PRKN: variants seen among roughly 807,000 people sequenced by gnomAD.
PRKN encodes the protein parkin RBR E3 ubiquitin protein ligase.
Under a neutral mutation model 59.5 loss-of-function variants are expected in PRKN, and 56 were observed. The observed-to-expected ratio is 0.94, with a 90% CI of 0.76 to 1.18. The LOEUF (loss-of-function observed/expected upper bound fraction) is 1.18. PRKN is among the 50% of genes most tolerant of loss of function. The pLI is 0.00. For missense variants in PRKN, 657 were observed against 596.4 expected (o/e 1.10, Z -1.06); for synonymous variants, 250 against 222.1 (o/e 1.13, Z -1.12).
At chr6:162,315,048 AT>A (rs1419942583) in intron 2 of PRKN, among the ~76,000 whole-genome samples, 2 of 152,172 alleles carry the variant, frequency 1.3e-5, no homozygotes, top group Admixed American at 6.5e-5. Context: ...ATCCAATAAT[AT>A]TTTTTAAATG....
intron 1 of PRKN, among the ~76,000 whole-genome samples, chr6:162,563,770 A>G (rs377111465): frequency 1.2e-4 from 18 of 152,338 alleles, no homozygotes; most frequent in African/African-American, 3.8e-4. Flanking sequence ...AAAATTCATG[A>G]TAACACAGAG....
chr6:162,238,711 C>T (rs1229836601), intron 3 of PRKN, among the ~76,000 whole-genome samples: 2 of 152,116 alleles, frequency 1.3e-5, no homozygotes, highest in Non-Finnish European at 2.9e-5. Flanking sequence ...CTAGAATATT[C>T]TGTTGTTTTT....
rs1237398264 is a variant in PRKN at position 161,356,622 on chromosome 6, G to T, written c.1285+3466C>A. 6.6e-6 allele frequency among the ~76,000 whole-genome samples: 1 copy of T among 152,172 alleles called. No individual in the cohort carries two copies. Among genetic ancestry groups the T allele is most frequent in the Admixed American group, 6.5e-5 (1 of 15,274 alleles). ...GCTGGATCAGAGCACGGGGAAGGCC[G>T]TGGTGACCGGGGATTGAATGCAGGG... is the stretch of plus-strand genomic sequence containing the variant. On this transcript the variant is annotated intron_variant, in intron 11 of 11. Transcript: ENST00000366898. This position sits in a 1 kb window ranked among gnomAD's most constrained non-coding sequence, Gnocchi z 7.8.
At chr6:162,088,718 G>A (rs1779354974) in intron 4 of PRKN, among the ~76,000 whole-genome samples, 1 of 152,114 alleles carries the variant, frequency 6.6e-6, no homozygotes, top group African/African-American at 2.4e-5. Flanking sequence ...AAGACATTGC[G>A]TTACTAATTT....
At chr6:161,994,427 C>T (rs983408532) in intron 5 of PRKN, among the ~76,000 whole-genome samples, 2 of 152,100 alleles carry the variant, frequency 1.3e-5, no homozygotes. Context: ...GACTAGGATG[C>T]CCACTCTCAC....
At chr6:162,519,118 C>G (rs990349184) in intron 1 of PRKN, among the ~76,000 whole-genome samples, 1 of 152,022 alleles carries the variant, frequency 6.6e-6, no homozygotes, top group African/African-American at 2.4e-5. Flanking sequence ...TGCAGTGAAC[C>G]GAGATCGCAC....
intron 4 of PRKN, among the ~76,000 whole-genome samples, chr6:162,151,341 G>A (rs1356861497): frequency 1.3e-5 from 2 of 152,296 alleles, no homozygotes; most frequent in Non-Finnish European, 1.5e-5. Context: ...CACCTTCTTA[G>A]AAAATGAAAT....
intron 6 of PRKN, among the ~76,000 whole-genome samples, chr6:161,799,812 T>C (rs116205922): frequency 0.015 from 2,241 of 152,316 alleles, 39 homozygotes; most frequent in African/African-American, 0.051. Context: ...GACATTTGCA[T>C]TGCCATCTCA....
chr6:161,799,105 G>A (rs916167289), intron 6 of PRKN, among the ~76,000 whole-genome samples: 1 of 152,204 alleles, frequency 6.6e-6, no homozygotes, highest in Admixed American at 6.5e-5. Flanking sequence ...TGCCATAATA[G>A]CAGCATTCAC....
rs532682718 is a variant in PRKN, at chr6:161,390,678, G to T, written c.1084-3801C>A. Among the ~76,000 whole-genome samples the T allele has an allele frequency of 6.6e-6, 1 of 151,724 alleles. No homozygotes were observed. Among genetic ancestry groups the T allele is most frequent in the Non-Finnish European group, 1.5e-5 (1 of 68,014 alleles). On this transcript the variant is annotated intron_variant, in intron 9 of 11. Transcript: ENST00000366898. The surrounding 1 kb of genome is among the most constrained non-coding windows in gnomAD (Gnocchi z 7.0). Reference sequence around the variant, plus strand: ...TAATTTTTGTATTTTTAGTAAAGACGGGATTTCACCATGTTGGTCAGGCTG... The same window carrying T: ...TAATTTTTGTATTTTTAGTAAAGACTGGATTTCACCATGTTGGTCAGGCTG...
rs1415902228 is a variant in PRKN, at chr6:161,757,933, G to GTATATA, written c.871+27833_871+27838dup. On this transcript the variant is annotated intron_variant, in intron 7 of 11. Transcript: ENST00000366898. ...CACACACACACACATCTCTCTCTCTGTATATATATGTATATATATATACAG... is the reference window on the plus strand; with the variant it reads ...CACACACACACACATCTCTCTCTCTGTATATATATATATATGTATATATATATACAG... Among the ~76,000 whole-genome samples the GTATATA allele has an allele frequency of 5.9e-5, 6 of 101,440 alleles. No homozygotes were observed. In the South Asian group the frequency reaches 1.8e-3, roughly 31 times the overall value. The allele number at this position is 101,440 out of a possible 152,430, so 66.5% of individuals were successfully genotyped here.
intron 9 of PRKN, among the ~76,000 whole-genome samples, chr6:161,510,862 TC>T (rs1778359664): frequency 6.6e-6 from 1 of 152,176 alleles, no homozygotes; most frequent in African/African-American, 2.4e-5. Context: ...AAAATGGCCC[TC>T]CTTTCCCCTG....
intron 3 of PRKN, among the ~76,000 whole-genome samples, chr6:162,236,846 A>T (rs1284755883): frequency 6.6e-6 from 1 of 151,002 alleles, no homozygotes; most frequent in Non-Finnish European, 1.5e-5. Context: ...GAAAGAAAGG[A>T]GAGGAAGGAA....
At chr6:162,351,090 T>C (rs1485374046) in intron 2 of PRKN, among the ~76,000 whole-genome samples, 2 of 152,058 alleles carry the variant, frequency 1.3e-5, no homozygotes, top group East Asian at 3.9e-4. Flanking sequence ...TTCAGGAGGC[T>C]GAGATGGGAG....
chr6:162,649,577 T>A (rs1382145431), intron 1 of PRKN, among the ~76,000 whole-genome samples: 1 of 152,082 alleles, frequency 6.6e-6, no homozygotes, highest in Non-Finnish European at 1.5e-5. Flanking sequence ...TCAGAGAGAT[T>A]TGGGTTCCAA....
In PRKN at chr6:161,527,374, T is replaced by C. The variant is rs1195997353; in HGVS notation, c.1083+21480A>G. On this transcript the variant is annotated intron_variant, in intron 9 of 11. Coordinates refer to ENST00000366898, the MANE Select transcript of PRKN (RefSeq NM_004562.3). This position sits in a 1 kb window ranked among gnomAD's most constrained non-coding sequence, Gnocchi z 4.6. ...TTGGAGCCAGGGCTTTGGTGTACAT[T>C]TCTGTAATTTGTGCTTCACACAAAC... 6.6e-6 allele frequency among the ~76,000 whole-genome samples: 1 copy of C among 152,158 alleles called. No individual in the cohort carries two copies. Among genetic ancestry groups the C allele is most frequent in the Non-Finnish European group, 1.5e-5 (1 of 68,020 alleles).
chr6:161,887,130 G>A (rs1442644665), intron 6 of PRKN, among the ~76,000 whole-genome samples: 1 of 152,188 alleles, frequency 6.6e-6, no homozygotes, highest in Non-Finnish European at 1.5e-5. Context: ...AAGTTGTACT[G>A]TAAGAGATGT....
chr6:162,321,535 A>AT (rs1222418189), intron 2 of PRKN, among the ~76,000 whole-genome samples: 2 of 151,982 alleles, frequency 1.3e-5, no homozygotes. Flanking sequence ...TTTTTCAGCC[A>AT]TTATTACTTT....
intron 6 of PRKN, among the ~76,000 whole-genome samples, chr6:161,891,762 G>A (rs1583306610): frequency 6.6e-6 from 1 of 152,184 alleles, no homozygotes; most frequent in Non-Finnish European, 1.5e-5. Context: ...GATGTAGAGT[G>A]TCTGAGCCAC....
Sources: gnomAD v4.1 joint callset for allele counts (sites outside exome capture counted in the v4.1 genomes callset) on GRCh38, gnomAD v4.1.1 for gene constraint, Gnocchi (gnomAD v3.1) non-coding constraint, MANE v1.5 for transcripts, NCBI Gene and HGNC (gene_info 2026-07-23, HGNC 2026-07-21) for gene names.